The following SH3GL3 variants were observed in gnomAD, a reference collection of about 807,000 sequenced individuals.
SH3GL3 encodes the protein endophilin-A3.
A neutral mutation model predicts 47.7 loss-of-function variants in SH3GL3; 33 were observed. That is an observed-to-expected ratio of 0.69 (90% CI 0.52 to 0.92). SH3GL3 has a LOEUF of 0.92. Among genes scored for constraint, SH3GL3 ranks in the 40% least tolerant of loss-of-function variants. The pLI is 0.00. For synonymous variants in SH3GL3, 155 were observed against 148.8 expected (o/e 1.04, Z -0.30); for missense variants, 363 against 417.8 (o/e 0.87, Z 1.14).
chr15:83,612,204 T>G (rs2060687352), intron 8 of SH3GL3, among the ~76,000 whole-genome samples: 2 of 152,210 alleles, frequency 1.3e-5, no homozygotes, highest in South Asian at 4.1e-4. Flanking sequence ...CTGTTGGTTT[T>G]TCTTGAAGGT....
chr15:83,531,569 T>G (rs2043675492), intron 1 of SH3GL3, among the ~76,000 whole-genome samples: 1 of 152,166 alleles, frequency 6.6e-6, no homozygotes, highest in Non-Finnish European at 1.5e-5. Flanking sequence ...GATGGTACAC[T>G]GTGTTGAGTA....
intron 1 of SH3GL3, among the ~76,000 whole-genome samples, chr15:83,524,676 A>G (rs145609643): frequency 9.9e-5 from 15 of 150,810 alleles, no homozygotes; most frequent in African/African-American, 3.4e-4. Flanking sequence ...CCCGCAACAC[A>G]CCCTTCCCAG....
In SH3GL3 at chr15:83,618,259, T is replaced by G. The variant is rs2060881632; in HGVS notation, c.1016T>G (p.Val339Gly). 1.2e-6 allele frequency: 2 copies of G among 1,610,832 alleles called. No individual in the cohort carries two copies. Among genetic ancestry groups the G allele is most frequent in the African/African-American group, 1.3e-5 (1 of 74,982 alleles). Residue 339 changes from valine (V) to glycine (G), a missense_variant, in exon 9 of 9, where the codon GTG becomes GGG. By Grantham distance (109) the Val-to-Gly change is moderately radical. Transcript: ENST00000427482. ...GESGFFPINYVEVIVPLPQ is the reference protein window; with the variant it reads ...GESGFFPINYGEVIVPLPQ The stretch of plus-strand genomic sequence containing the variant: ...TCGGGATTCTTCCCCATTAATTACG[T>G]GGAAGTGATCGTGCCTTTACCTCAG...
At chr15:83,535,120 G>C (rs1201971816) in intron 1 of SH3GL3, among the ~76,000 whole-genome samples, 1 of 151,512 alleles carries the variant, frequency 6.6e-6, no homozygotes. Flanking sequence ...CACTATCATA[G>C]ATCAAAGCCT....
chr15:83,556,246 A>G (rs922864863), intron 1 of SH3GL3, among the ~76,000 whole-genome samples: 1 of 152,260 alleles, frequency 6.6e-6, no homozygotes, highest in Non-Finnish European at 1.5e-5. Flanking sequence ...CTCAACAAAC[A>G]ATATTTGTTC....
chr15:83,479,536 TC>T (rs2041249595), intron 1 of SH3GL3, among the ~76,000 whole-genome samples: 1 of 152,148 alleles, frequency 6.6e-6, no homozygotes, highest in African/African-American at 2.4e-5. Flanking sequence ...CTGAGAGTTA[TC>T]CCAGCAAAGG....
At chr15:83,621,768 A>G (rs1005254337), downstream of SH3GL3, among the ~76,000 whole-genome samples, 3 of 152,246 alleles carry the variant, frequency 2.0e-5, no homozygotes, top group Admixed American at 1.3e-4. Flanking sequence ...TGGCAGAGGC[A>G]GAGTTTGAAA....
intron 6 of SH3GL3, among the ~76,000 whole-genome samples, chr15:83,580,992 G>T (rs1305368460): frequency 6.6e-6 from 1 of 152,222 alleles, no homozygotes; most frequent in Admixed American, 6.5e-5. Flanking sequence ...GGGTGTGCTT[G>T]GTGCTCTTGT....
chr15:83,522,269 G>A (rs1433321773), intron 1 of SH3GL3, among the ~76,000 whole-genome samples: 1 of 152,182 alleles, frequency 6.6e-6, no homozygotes, highest in East Asian at 1.9e-4. Flanking sequence ...GCAGAGGCGA[G>A]CTCATCCTAA....
At chr15:83,483,054 A>G (rs776897869) in intron 1 of SH3GL3, among the ~76,000 whole-genome samples, 2 of 152,082 alleles carry the variant, frequency 1.3e-5, no homozygotes, top group Non-Finnish European at 2.9e-5. Flanking sequence ...TTATGGTCAT[A>G]CTTACTTTGA....
At chr15:83,552,631 T>G (rs1168824238) in intron 1 of SH3GL3, among the ~76,000 whole-genome samples, 1 of 152,216 alleles carries the variant, frequency 6.6e-6, no homozygotes, top group East Asian at 1.9e-4. Context: ...TTTTGTAATG[T>G]TCTATCTGTA....
intron 6 of SH3GL3, among the ~76,000 whole-genome samples, chr15:83,578,870 A>C (rs2059756495): frequency 6.6e-6 from 1 of 152,048 alleles, no homozygotes; most frequent in South Asian, 2.1e-4. Context: ...GGCCATATGG[A>C]ATGTTGCCCT....
intron 1 of SH3GL3, among the ~76,000 whole-genome samples, chr15:83,522,044 G>A (rs1235289179): frequency 6.6e-6 from 1 of 152,120 alleles, no homozygotes; most frequent in African/African-American, 2.4e-5. Context: ...GAGGGAAATA[G>A]TGGGTTCAGA....
At chr15:83,490,273 T>G (rs1465669179) in intron 1 of SH3GL3, among the ~76,000 whole-genome samples, 1 of 151,620 alleles carries the variant, frequency 6.6e-6, no homozygotes, top group East Asian at 1.9e-4. Flanking sequence ...GCGTTTTTTT[T>G]TTTTTTTTTT....
intron 6 of SH3GL3, among the ~76,000 whole-genome samples, chr15:83,582,488 C>G (rs116509530): frequency 1.3e-5 from 2 of 152,264 alleles, no homozygotes; most frequent in African/African-American, 4.8e-5. Context: ...TTGGGAAACC[C>G]TGGGTTAAAT....
chr15:83,579,654 C>A (rs918380706), intron 6 of SH3GL3, among the ~76,000 whole-genome samples: 1 of 152,156 alleles, frequency 6.6e-6, no homozygotes, highest in Non-Finnish European at 1.5e-5. Context: ...CATTCACTGA[C>A]ACCCCATGAT....
At chr15:83,575,056 T>A (rs1258604973) in intron 5 of SH3GL3, among the ~76,000 whole-genome samples, 1 of 152,216 alleles carries the variant, frequency 6.6e-6, no homozygotes, top group African/African-American at 2.4e-5. Context: ...TTTATTTTTT[T>A]AATTTTAATT....
At chr15:83,575,573 T>C (rs2059653359) in intron 5 of SH3GL3, among the ~76,000 whole-genome samples, 1 of 152,200 alleles carries the variant, frequency 6.6e-6, no homozygotes, top group Non-Finnish European at 1.5e-5. Context: ...AGGGGCCTGT[T>C]CATTTGACAT....
At chr15:83,605,784 A>G (rs2060499637) in intron 8 of SH3GL3, among the ~76,000 whole-genome samples, 1 of 152,178 alleles carries the variant, frequency 6.6e-6, no homozygotes, top group South Asian at 2.1e-4. Flanking sequence ...GTGTGGGGTC[A>G]TGCTGTTTCA....
Sources: allele counts gnomAD v4.1 joint callset (sites outside exome capture counted in the v4.1 genomes callset), GRCh38; gene constraint gnomAD v4.1.1; transcripts MANE v1.5; gene names NCBI Gene and HGNC (gene_info 2026-07-23, HGNC 2026-07-21).